The following ZFPM2 variants were observed in gnomAD, a reference collection of about 807,000 sequenced individuals.
The protein encoded by ZFPM2 is zinc finger protein, FOG family member 2, also known as zinc finger protein ZFPM2.
Under a neutral mutation model 98.6 loss-of-function variants are expected in ZFPM2, and 20 were observed. That is an observed-to-expected ratio of 0.20 (90% confidence interval 0.14 to 0.29). The LOEUF (loss-of-function observed/expected upper bound fraction) is 0.29. Ranked by LOEUF, ZFPM2 falls within the 10% of genes least tolerant of loss-of-function variation. The pLI is 1.00. For missense variants in ZFPM2, 1,310 were observed against 1,388.6 expected (o/e 0.94, Z 0.90); for synonymous variants, 518 against 502.7 (o/e 1.03, Z -0.41).
At chr8:105,660,858 A>G (rs1317294586) in intron 5 of ZFPM2, among the ~76,000 whole-genome samples, 1 of 152,196 alleles carries the variant, frequency 6.6e-6, no homozygotes, top group Non-Finnish European at 1.5e-5. Context: ...CAGATTACAT[A>G]TAATATCATA....
intron 4 of ZFPM2, among the ~76,000 whole-genome samples, chr8:105,583,684 A>G (rs1303907348): frequency 6.6e-5 from 10 of 152,312 alleles, no homozygotes; most frequent in Middle Eastern, 3.4e-3. Flanking sequence ...CAGTAAAACC[A>G]TGGAAGATTA....
intron 2 of ZFPM2, among the ~76,000 whole-genome samples, chr8:105,442,797 A>G (rs770646531): frequency 2.0e-5 from 3 of 152,184 alleles, no homozygotes; most frequent in Non-Finnish European, 2.9e-5. Context: ...TTTTAACTTC[A>G]AAGCTCATAT....
At chr8:105,426,107 TAA>T (rs2130116727) in intron 2 of ZFPM2, among the ~76,000 whole-genome samples, 1 of 152,214 alleles carries the variant, frequency 6.6e-6, no homozygotes, top group South Asian at 2.1e-4. Flanking sequence ...AGAAACTGCA[TAA>T]GACAGCTCTA....
intron 5 of ZFPM2, among the ~76,000 whole-genome samples, chr8:105,750,987 A>G (rs957667071): frequency 6.6e-6 from 1 of 152,086 alleles, no homozygotes; most frequent in African/African-American, 2.4e-5. Context: ...CTGAATTATC[A>G]TTTCAGTATG....
chr8:105,363,614 A>G (rs981586417), intron 1 of ZFPM2, among the ~76,000 whole-genome samples: 2 of 152,116 alleles, frequency 1.3e-5, no homozygotes, highest in Admixed American at 1.3e-4. Flanking sequence ...TCCAACTCCC[A>G]CAACCATAGT....
At chr8:105,489,466 A>ATATATATATTT (rs1554610604) in intron 3 of ZFPM2, among the ~76,000 whole-genome samples, 1 of 119,810 alleles carries the variant, frequency 8.3e-6, no homozygotes, top group African/African-American at 3.6e-5. Flanking sequence ...ATATATATAT[A>ATATATATATTT]TTTTTTTTTT....
intron 4 of ZFPM2, among the ~76,000 whole-genome samples, chr8:105,619,021 T>C (rs1467900950): frequency 2.6e-5 from 4 of 152,114 alleles, no homozygotes; most frequent in Non-Finnish European, 5.9e-5. Flanking sequence ...GATGCAGAGG[T>C]GCATGGATTA....
At chr8:105,325,051 T>G (rs1220756437) in intron 1 of ZFPM2, among the ~76,000 whole-genome samples, 3 of 151,986 alleles carry the variant, frequency 2.0e-5, no homozygotes, top group African/African-American at 7.2e-5. Flanking sequence ...ACCTTCCCAA[T>G]TCCAAAGGAC....
intron 1 of ZFPM2, among the ~76,000 whole-genome samples, chr8:105,346,396 A>C (rs2957450): frequency 1.3e-5 from 2 of 150,990 alleles, no homozygotes; most frequent in African/African-American, 4.9e-5. Context: ...AAAAAAAAAA[A>C]AAATAAATAA....
chr8:105,422,785 CAT>C (rs2130099631), intron 2 of ZFPM2, among the ~76,000 whole-genome samples: 1 of 152,210 alleles, frequency 6.6e-6, no homozygotes, highest in East Asian at 1.9e-4. Flanking sequence ...TGAGGATAAA[CAT>C]AGAGTTACTA....
At chr8:105,320,373 C>A (rs1428985490) in intron 1 of ZFPM2, among the ~76,000 whole-genome samples, 5 of 151,088 alleles carry the variant, frequency 3.3e-5, no homozygotes, top group Non-Finnish European at 7.4e-5. Context: ...TCACTCTATG[C>A]AACTTGGGTT....
rs1201621205 is a variant in ZFPM2 at position 105,563,374 on chromosome 8, G to T, written c.420+1893G>T. Among the ~76,000 whole-genome samples the T allele has an allele frequency of 9.2e-5, 14 of 152,132 alleles. 1 individual carries two copies. Among genetic ancestry groups the T allele is most frequent in the Admixed American group, 8.5e-4 (13 of 15,262 alleles). ...TTAAAGAGTGCATGAGATCCCAGGG[G>T]TATATTTATTACTTTGTACATTCAT... On this transcript the variant is annotated intron_variant, in intron 4 of 7. Transcript: ENST00000407775.
Position 105,802,243 on chromosome 8 carries a change from T to A in ZFPM2, c.2161T>A (p.Ser721Thr). Residue 721 changes from serine (S) to threonine (T), a missense_variant, in exon 8 of 8, where the codon TCT becomes ACT. By Grantham distance (58) the Ser-to-Thr change is moderately conservative (BLOSUM62 1). Transcript: ENST00000407775. ...ACGCCACGACCCTCCACTGAAGAGG[T>A]CTGCTTCCAACAAAGTGCCTGCCAT... ...ATRHDPPLKR[S>T]ASNKVPAMQR... 6.2e-7 allele frequency: 1 copy of A among 1,613,726 alleles called. No homozygotes were observed. The highest frequency in any genetic ancestry group is 8.5e-7 in the Non-Finnish European group (1 of 1,179,828).
chr8:105,695,198 C>T (rs995700009), intron 5 of ZFPM2, among the ~76,000 whole-genome samples: 2 of 151,980 alleles, frequency 1.3e-5, no homozygotes, highest in African/African-American at 2.4e-5. Flanking sequence ...CCTGTTAATC[C>T]TTCCACGTAC....
chr8:105,757,073 C>T (rs899289713), intron 5 of ZFPM2, among the ~76,000 whole-genome samples: 2 of 152,100 alleles, frequency 1.3e-5, no homozygotes, highest in Non-Finnish European at 2.9e-5. Context: ...AATGCTATAG[C>T]CAATAAAGGC....
chr8:105,803,556 C>A lies in ZFPM2; in HGVS notation c.*18C>A. The A allele has an allele frequency of 6.3e-7, 1 of 1,588,686 alleles. No individual in the cohort carries two copies. The highest frequency in any genetic ancestry group is 1.1e-5 in the South Asian group (1 of 87,740). ...TCAAATGAACTAACTAAACATCAGT[C>A]ACCTTTGGTATCAGTGTTTAGTATG... On this transcript the variant is annotated 3_prime_UTR_variant, in exon 8 of 8. Transcript: ENST00000407775.
At chr8:105,421,782 G>C (rs1207464047) in intron 2 of ZFPM2, among the ~76,000 whole-genome samples, 1 of 152,166 alleles carries the variant, frequency 6.6e-6, no homozygotes, top group East Asian at 1.9e-4. Context: ...TGCCAGGCCG[G>C]TGACTCACGC....
chr8:105,766,069 G>A (rs1812847599), intron 5 of ZFPM2, among the ~76,000 whole-genome samples: 1 of 151,834 alleles, frequency 6.6e-6, no homozygotes, highest in Non-Finnish European at 1.5e-5. Context: ...TATCTTTATG[G>A]CCTTTATCTT....
At chr8:105,584,415 T>G (rs1815669002) in intron 4 of ZFPM2, among the ~76,000 whole-genome samples, 1 of 152,174 alleles carries the variant, frequency 6.6e-6, no homozygotes, top group Non-Finnish European at 1.5e-5. Flanking sequence ...CTTCTGAATT[T>G]GAATGTGCCA....
Sources: allele counts gnomAD v4.1 joint callset (sites outside exome capture counted in the v4.1 genomes callset), GRCh38; gene constraint gnomAD v4.1.1; transcripts MANE v1.5; gene names NCBI Gene and HGNC (gene_info 2026-07-23, HGNC 2026-07-21).